The following VEPH1 variants were observed in gnomAD, a reference collection of about 807,000 sequenced individuals.
VEPH1 encodes ventricular zone-expressed PH domain-containing protein homolog 1.
In VEPH1, 80 loss-of-function variants were observed where a neutral mutation model predicts 85.2. The observed-to-expected ratio is 0.94, with a 90% confidence interval of 0.78 to 1.13. The LOEUF is 1.13. VEPH1 is among the 50% of genes most tolerant of loss of function. The pLI, the probability that VEPH1 is intolerant of heterozygous loss-of-function variation, is 0.00. For synonymous variants in VEPH1, 297 were observed against 348.0 expected (o/e 0.85, Z 1.63); for missense variants, 955 against 980.5 (o/e 0.97, Z 0.35).
At chr3:157,453,666 C>T (rs1039029854) in intron 4 of VEPH1, among the ~76,000 whole-genome samples, 3 of 151,922 alleles carry the variant, frequency 2.0e-5, no homozygotes, top group Admixed American at 6.6e-5. Context: ...AAAAAGAAAC[C>T]CCATGATGAC....
chr3:157,307,167 T>A (rs1719608417), intron 11 of VEPH1, among the ~76,000 whole-genome samples: 1 of 152,126 alleles, frequency 6.6e-6, no homozygotes, highest in Non-Finnish European at 1.5e-5. Flanking sequence ...TTAACAGTAA[T>A]CTAGCTGTCA....
At position 157,495,327 on chromosome 3, in the gene VEPH1, A is replaced by G; in HGVS notation, c.23T>C (p.Val8Ala). 6.2e-7 allele frequency: 1 copy of G among 1,614,000 alleles called. No homozygotes were observed. Among genetic ancestry groups the G allele is most frequent in the Non-Finnish European group, 8.5e-7 (1 of 1,179,900 alleles). Residue 8 changes from valine (V) to alanine (A), a missense_variant, in exon 2 of 14, where the codon GTT (valine) becomes GCT (alanine). Transcript: ENST00000362010. MHQLFRL[V>A]LGQKDLSRAG... ...TCGTGAAAGATCTTTTTGTCCCAAA[A>G]CCAGTCTGAACAGTTGATGCATGGT...
chr3:157,481,433 A>AACACACACACACACACAC (rs1177654727), intron 2 of VEPH1, among the ~76,000 whole-genome samples: 9 of 38,670 alleles, frequency 2.3e-4, no homozygotes, highest in African/African-American at 6.5e-4. Flanking sequence ...TATGGAACCA[A>AACACACACACACACACAC]ACACACACAC....
At chr3:157,469,887 T>C (rs542717050) in intron 3 of VEPH1, among the ~76,000 whole-genome samples, 3 of 152,290 alleles carry the variant, frequency 2.0e-5, no homozygotes, top group African/African-American at 4.8e-5. Flanking sequence ...TATAGAAATA[T>C]GTCTGAAATG....
chr3:157,357,156 G>A (rs1189464280), intron 9 of VEPH1, among the ~76,000 whole-genome samples: 1 of 152,076 alleles, frequency 6.6e-6, no homozygotes, highest in African/African-American at 2.4e-5. Context: ...GAGATATATT[G>A]AAATATACTC....
chr3:157,467,530 A>C (rs748944197), intron 3 of VEPH1, among the ~76,000 whole-genome samples: 1 of 152,316 alleles, frequency 6.6e-6, no homozygotes, highest in Non-Finnish European at 1.5e-5. Flanking sequence ...TTCCCTTTAA[A>C]ATCTGATGAT....
chr3:157,301,869 C>T (rs1365972770), intron 11 of VEPH1, among the ~76,000 whole-genome samples: 1 of 152,132 alleles, frequency 6.6e-6, no homozygotes, highest in East Asian at 1.9e-4. Context: ...CTGATGATGT[C>T]CTAATCTATA....
At chr3:157,363,259 G>T in intron 9 of VEPH1, 105 bp downstream of exon 9, 3 of 1,054,676 alleles carry the variant, frequency 2.8e-6, no homozygotes, top group Non-Finnish European at 3.9e-6. Context: ...GATCTATTTT[G>T]CAAAAGATCC....
intron 2 of VEPH1, chr3:157,493,273 A>T: frequency 2.2e-6 from 1 of 456,362 alleles, no homozygotes; most frequent in Non-Finnish European, 4.4e-6. Flanking sequence ...AATTTAGACG[A>T]TCCCTTCCTG....
In VEPH1 at chr3:157,369,192, A is replaced by AAAAAAAAAC. The variant is rs1553773118; in HGVS notation, c.1128-4681_1128-4680insGTTTTTTTT. ...ACAAAAACCAAATGAAAAAAAAAAA[A>AAAAAAAAAC]AAAAAAAAAAAACCTCCTGAGGTCT... On this transcript the variant is annotated intron_variant, in intron 7 of 13. Coordinates refer to ENST00000362010, the MANE Select transcript of VEPH1 (RefSeq NM_001167912.2). Among the ~76,000 whole-genome samples, 612 of 142,760 alleles carry AAAAAAAAAC rather than the reference A, an allele frequency of 4.3e-3. 19 individuals carry two copies. The highest frequency in any genetic ancestry group is 8.1e-3 in the Non-Finnish European group (521 of 64,474). The allele number at this position is 142,760 out of a possible 152,430, so 93.7% of individuals were successfully genotyped here.
intron 4 of VEPH1, among the ~76,000 whole-genome samples, chr3:157,435,446 A>G (rs979948609): frequency 5.3e-5 from 8 of 152,232 alleles, no homozygotes; most frequent in African/African-American, 1.9e-4. Context: ...TCAAAGAGAG[A>G]CATGATTGCT....
At chr3:157,286,046 T>G (rs1716729967) in intron 12 of VEPH1, 1 of 154,276 alleles carries the variant, frequency 6.5e-6, no homozygotes, top group South Asian at 2.0e-4. Flanking sequence ...CCAAATAACT[T>G]GAGCAGCAGA....
intron 9 of VEPH1, among the ~76,000 whole-genome samples, chr3:157,334,263 A>C (rs1220411947): frequency 2.0e-5 from 3 of 152,206 alleles, no homozygotes; most frequent in Non-Finnish European, 4.4e-5. Context: ...GGTGTTACTG[A>C]ATAGAAAGCA....
At chr3:157,349,761 G>A (rs780606105) in intron 9 of VEPH1, among the ~76,000 whole-genome samples, 2 of 152,080 alleles carry the variant, frequency 1.3e-5, no homozygotes, top group Non-Finnish European at 2.9e-5. Flanking sequence ...AGAAGGCAAT[G>A]CAATGTACAA....
intron 11 of VEPH1, among the ~76,000 whole-genome samples, chr3:157,310,952 G>T (rs1384888439): frequency 2.0e-5 from 3 of 152,116 alleles, no homozygotes; most frequent in Non-Finnish European, 4.4e-5. Context: ...CCCTGATATC[G>T]CAAGGGTATG....
intron 6 of VEPH1, among the ~76,000 whole-genome samples, chr3:157,400,557 G>A (rs955198349): frequency 2.6e-5 from 4 of 152,060 alleles, no homozygotes; most frequent in Non-Finnish European, 5.9e-5. Context: ...ATGGTCTTTA[G>A]TTTGAATTTT....
chr3:157,449,498 T>C (rs1456849044), intron 4 of VEPH1, among the ~76,000 whole-genome samples: 1 of 152,214 alleles, frequency 6.6e-6, no homozygotes, highest in African/African-American at 2.4e-5. Context: ...ATTTGTTTCT[T>C]GCTTCTCTGT....
intron 7 of VEPH1, among the ~76,000 whole-genome samples, chr3:157,375,497 A>G (rs1029748384): frequency 6.6e-5 from 10 of 152,214 alleles, no homozygotes; most frequent in African/African-American, 2.2e-4. Flanking sequence ...TTGAGTATAC[A>G]TTAGGGCCAC....
Position 157,460,374 on chromosome 3 carries a change from G to A in VEPH1, c.355-19C>T, listed in dbSNP as rs773296465. ...TGTAATTCTGAGGAAATATAAGAAAGCCACAAATAATAAGTGACTCATTAT... is the reference window on the plus strand; with the variant it reads ...TGTAATTCTGAGGAAATATAAGAAAACCACAAATAATAAGTGACTCATTAT... On this transcript the variant is annotated intron_variant, in intron 3 of 13. Transcript: ENST00000362010. The A allele has an allele frequency of 1.9e-6, 3 of 1,596,638 alleles. No individual in the cohort carries two copies. Among genetic ancestry groups the A allele is most frequent in the Middle Eastern group, 1.7e-4 (1 of 5,974 alleles).
Sources: allele counts gnomAD v4.1 joint callset (sites outside exome capture counted in the v4.1 genomes callset), GRCh38; gene constraint gnomAD v4.1.1; transcripts MANE v1.5; gene names NCBI Gene and HGNC (gene_info 2026-07-23, HGNC 2026-07-21).